TRPS1: variants seen among roughly 807,000 people sequenced by gnomAD.
TRPS1 encodes zinc finger transcription factor Trps1.
TRPS1 carries 6 observed loss-of-function variants against 101.2 expected under a neutral mutation model. The ratio of observed to expected loss-of-function variants is 0.06; its 90% CI spans 0.03 to 0.12. The LOEUF (loss-of-function observed/expected upper bound fraction) is 0.12. TRPS1 is among the 10% of genes least tolerant of loss of function. The pLI is 1.00. For synonymous variants in TRPS1, 578 were observed against 589.8 expected (o/e 0.98, Z 0.29); for missense variants, 1,363 against 1,567.0 (o/e 0.87, Z 2.20).
intron 5 of TRPS1, among the ~76,000 whole-genome samples, chr8:115,430,216 C>T (rs944723518): frequency 6.6e-5 from 10 of 152,206 alleles, no homozygotes; most frequent in Non-Finnish European, 1.0e-4. Context: ...CTTGAATTGT[C>T]TTAAATCACA....
rs76188508 is a variant in TRPS1, at chr8:115,647,824, C to T, written c.-122+20721G>A. On this transcript the variant is annotated intron_variant, in intron 1 of 6. Transcript: ENST00000395715. ...TATTTTTTCAGATTGTCCTTCTTTG[C>T]CTTATTCCTGGACTCATTAATAACC... Among the ~76,000 whole-genome samples the T allele has an allele frequency of 2.4e-4, 37 of 152,028 alleles. No homozygotes were observed. In the East Asian group the frequency reaches 6.8e-3, roughly 28 times the overall value.
intron 5 of TRPS1, among the ~76,000 whole-genome samples, chr8:115,554,109 T>C (rs1284041333): frequency 6.6e-6 from 1 of 152,220 alleles, no homozygotes; most frequent in Non-Finnish European, 1.5e-5. Context: ...TAAACATTTC[T>C]ACAAAAGTGT....
intron 1 of TRPS1, among the ~76,000 whole-genome samples, chr8:115,638,172 T>G (rs1818812534): frequency 1.3e-5 from 2 of 152,128 alleles, no homozygotes; most frequent in Non-Finnish European, 2.9e-5. Flanking sequence ...AAACGGAGAC[T>G]TGACAGACCT....
chr8:115,541,522 T>C (rs1245543730), intron 5 of TRPS1, among the ~76,000 whole-genome samples: 1 of 152,338 alleles, frequency 6.6e-6, no homozygotes, highest in African/African-American at 2.4e-5. Flanking sequence ...CATAATTTAC[T>C]TGTGTTTTAA....
chr8:115,663,249 C>CT (rs111334281), intron 1 of TRPS1, among the ~76,000 whole-genome samples: 25,240 of 145,552 alleles, frequency 0.17, 2,921 homozygotes, highest in African/African-American at 0.34. Flanking sequence ...CTTACTTGAA[C>CT]TTTTTTTTTT....
chr8:115,481,382 T>G (rs1814747322), intron 5 of TRPS1, among the ~76,000 whole-genome samples: 1 of 151,916 alleles, frequency 6.6e-6, no homozygotes, highest in African/African-American at 2.4e-5. Context: ...ATCCCTCACT[T>G]TACTATAAAA....
intron 5 of TRPS1, among the ~76,000 whole-genome samples, chr8:115,526,407 A>C (rs562315400): frequency 6.9e-4 from 105 of 152,280 alleles, no homozygotes; most frequent in Non-Finnish European, 1.2e-3. Flanking sequence ...GTTTTCTAAA[A>C]CCTGAAGATG....
chr8:115,497,723 C>T (rs1815183860), intron 5 of TRPS1, among the ~76,000 whole-genome samples: 1 of 152,102 alleles, frequency 6.6e-6, no homozygotes, highest in Admixed American at 6.6e-5. Context: ...TCTACTTGCC[C>T]AATTTTTGAC....
At chr8:115,488,385 C>T (rs1039934092) in intron 5 of TRPS1, among the ~76,000 whole-genome samples, 1 of 152,206 alleles carries the variant, frequency 6.6e-6, no homozygotes, top group African/African-American at 2.4e-5. Flanking sequence ...CAAGGTATGC[C>T]TGTGTGATAT....
chr8:115,639,740 G>A (rs1423977048), intron 1 of TRPS1, among the ~76,000 whole-genome samples: 1 of 152,102 alleles, frequency 6.6e-6, no homozygotes, highest in Middle Eastern at 3.2e-3. Context: ...GAGGCAGGAG[G>A]ATTGCTTGAG....
chr8:115,476,383 C>T (rs939853298), intron 5 of TRPS1, among the ~76,000 whole-genome samples: 2 of 152,156 alleles, frequency 1.3e-5, no homozygotes, highest in African/African-American at 4.8e-5. Context: ...GAACCTGACT[C>T]ATAAGTAACT....
intron 5 of TRPS1, among the ~76,000 whole-genome samples, chr8:115,501,063 C>T (rs900404560): frequency 1.1e-4 from 17 of 152,044 alleles, no homozygotes; most frequent in African/African-American, 1.7e-4. Context: ...CCTGATTGTG[C>T]GACTCTATCC....
chr8:115,626,684 A>G (rs1253320845), intron 1 of TRPS1, among the ~76,000 whole-genome samples: 1 of 151,936 alleles, frequency 6.6e-6, no homozygotes, highest in Non-Finnish European at 1.5e-5. Flanking sequence ...AACTAATCCA[A>G]AATGATCATT....
At chr8:115,622,643 C>A (rs1317478912) in intron 2 of TRPS1, among the ~76,000 whole-genome samples, 1 of 152,100 alleles carries the variant, frequency 6.6e-6, no homozygotes, top group Non-Finnish European at 1.5e-5. Flanking sequence ...ATAACTATAT[C>A]ATTTCTATTT....
At chr8:115,586,488 C>G (rs956823138) in intron 5 of TRPS1, among the ~76,000 whole-genome samples, 5 of 152,180 alleles carry the variant, frequency 3.3e-5, no homozygotes, top group African/African-American at 1.2e-4. Context: ...TCGACAACAA[C>G]AAGCATTGTC....
chr8:115,461,190 T>G (rs1447836788), intron 5 of TRPS1, among the ~76,000 whole-genome samples: 6 of 152,130 alleles, frequency 3.9e-5, no homozygotes, highest in African/African-American at 1.2e-4. Context: ...CCAGGCACTG[T>G]GCTAACTGCT....
At chr8:115,517,214 T>C (rs1485698247) in intron 5 of TRPS1, among the ~76,000 whole-genome samples, 1 of 151,718 alleles carries the variant, frequency 6.6e-6, no homozygotes, top group African/African-American at 2.4e-5. Context: ...CTCATTGAAT[T>C]CTTATTATCA....
At chr8:115,575,579 T>G (rs1378480045) in intron 5 of TRPS1, among the ~76,000 whole-genome samples, 1 of 152,096 alleles carries the variant, frequency 6.6e-6, no homozygotes, top group African/African-American at 2.4e-5. Flanking sequence ...TTTAACACCC[T>G]TTTCTCTTTT....
Position 115,623,682 on chromosome 8 carries a change from C to T in TRPS1, c.-45G>A, listed in dbSNP as rs775096681. ...TACAATTATTAATTCTATTAGTCAA[C>T]TAGCAGGAGGCTAATGCAATTGTCT... On this transcript the variant is annotated 5_prime_UTR_variant, in exon 2 of 7. Coordinates refer to ENST00000395715, the MANE Select transcript of TRPS1 (RefSeq NM_014112.5). 1 of 1,603,048 alleles carries T rather than the reference C, an allele frequency of 6.2e-7. No individual in the cohort carries two copies. The highest frequency in any genetic ancestry group is 1.7e-5 in the Admixed American group (1 of 59,230).
Sources: gnomAD v4.1 joint callset for allele counts (sites outside exome capture counted in the v4.1 genomes callset) on GRCh38, gnomAD v4.1.1 for gene constraint, MANE v1.5 for transcripts, NCBI Gene and HGNC (gene_info 2026-07-23, HGNC 2026-07-21) for gene names.